RABIF: variants seen among roughly 807,000 people sequenced by gnomAD.
RABIF encodes guanine nucleotide exchange factor MSS4.
A neutral mutation model predicts 12.3 loss-of-function variants in RABIF; 13 were observed. That is an observed-to-expected ratio of 1.06 (90% CI 0.69 to 1.68). RABIF has a LOEUF of 1.68. RABIF is among the 40% of genes most tolerant of loss of function. The probability of loss-of-function intolerance (pLI) is 0.00; values close to 1 mark genes in which losing one functional copy is unlikely to be tolerated. For synonymous variants in RABIF, 70 were observed against 63.3 expected (o/e 1.11, Z -0.50); for missense variants, 153 against 158.0 (o/e 0.97, Z 0.17).
intron 1 of RABIF, 74 bp downstream of exon 1, chr1:202,888,899 G>C: frequency 2.1e-6 from 3 of 1,436,272 alleles, no homozygotes; most frequent in Non-Finnish European, 2.8e-6. Flanking sequence ...TGAAGAGCCG[G>C]GGTTCAGATT....
chr1:202,887,376 A>C lies in RABIF; in HGVS notation c.126+1597T>G, dbSNP rs969718142. On this transcript the variant is annotated intron_variant, in intron 1 of 1. Transcript: ENST00000367262. ...TTTGCAATTTTTTTTTAAGCTCATC[A>C]GCTATCATTAGTGTATTTTGTGTGG... Among the ~76,000 whole-genome samples the C allele has an allele frequency of 4.6e-5, 7 of 151,700 alleles. No individual in the cohort carries two copies. In the South Asian group the frequency reaches 1.5e-3, roughly 32 times the overall value.
rs893869791 is a variant in RABIF at position 202,879,467 on chromosome 1, A to G, written c.*1511T>C. 1.3e-5 allele frequency: 2 copies of G among 152,268 alleles called. No individual in the cohort carries two copies. The highest frequency in any genetic ancestry group is 4.8e-5 in the African/African-American group (2 of 41,484). The allele number at this position is 152,268 out of a possible 1,614,324, so 9.4% of individuals were successfully genotyped here. ...GTGATGTGAGGGGCCATGTGCCCCT[A>G]GAGGCATCTACTTGGGTTTTGCTCC... On this transcript the variant is annotated 3_prime_UTR_variant, in exon 2 of 2. Coordinates refer to ENST00000367262, the MANE Select transcript of RABIF (RefSeq NM_002871.5).
chr1:202,886,922 T>C (rs939486103), intron 1 of RABIF, among the ~76,000 whole-genome samples: 10 of 151,430 alleles, frequency 6.6e-5, no homozygotes, highest in Non-Finnish European at 1.0e-4. Flanking sequence ...TTAGTAGAGA[T>C]GGGATTTCAC....
At chr1:202,882,355 GC>G (rs1659503183) in intron 1 of RABIF, among the ~76,000 whole-genome samples, 1 of 152,144 alleles carries the variant, frequency 6.6e-6, no homozygotes, top group Admixed American at 6.5e-5. Context: ...CTGCTCTCCA[GC>G]CTGGGCGACA....
At chr1:202,883,534 A>G (rs955219418) in intron 1 of RABIF, among the ~76,000 whole-genome samples, 3 of 152,244 alleles carry the variant, frequency 2.0e-5, no homozygotes, top group Admixed American at 6.5e-5. Context: ...CCTATACTGT[A>G]GGTGTGAAAT....
rs1659444797 is a variant in RABIF, at chr1:202,878,675, CT to C, written c.*2302del. ...AGACAATTATGTGGAAACAATCAGGCTTTCACAAAATCAACTGCTCTCCCCA... is the reference window on the plus strand; with the variant it reads ...AGACAATTATGTGGAAACAATCAGGCTTCACAAAATCAACTGCTCTCCCCA... On this transcript the variant is annotated 3_prime_UTR_variant, in exon 2 of 2. Transcript: ENST00000367262. Among the ~76,000 whole-genome samples, 1 of 152,188 alleles carries C rather than the reference CT, an allele frequency of 6.6e-6. No individual in the cohort carries two copies. Among genetic ancestry groups the C allele is most frequent in the African/African-American group, 2.4e-5 (1 of 41,464 alleles).
chr1:202,887,453 C>CAAAAAAGA (rs1342783225), intron 1 of RABIF, among the ~76,000 whole-genome samples: 269 of 152,026 alleles, frequency 1.8e-3, no homozygotes, highest in African/African-American at 6.2e-3. Flanking sequence ...ACTGGACACC[C>CAAAAAAGA]CTGTTTTACA....
rs1659460687 is a variant in RABIF, at chr1:202,879,740, A to C, written c.*1238T>G. ...GAGGAAGCAACTAGAAAACAATGGA[A>C]GGGACTTCAGATGGTAAGGTTTCTG... On this transcript the variant is annotated 3_prime_UTR_variant, in exon 2 of 2. Transcript: ENST00000367262. 1 of 152,202 alleles carries C rather than the reference A, an allele frequency of 6.6e-6. No homozygotes were observed. Among genetic ancestry groups the C allele is most frequent in the Admixed American group, 6.5e-5 (1 of 15,280 alleles). The allele number at this position is 152,202 out of a possible 1,614,324, so 9.4% of individuals were successfully genotyped here. A position where few individuals can be genotyped will look rare whatever the true frequency, so the allele number is the denominator to read the frequency against.
Position 202,881,155 on chromosome 1 carries a change from G to T in RABIF, c.195C>A (p.Leu65=). 1 of 1,614,190 alleles carries T rather than the reference G, an allele frequency of 6.2e-7. No homozygotes were observed. Among genetic ancestry groups the T allele is most frequent in the Non-Finnish European group, 8.5e-7 (1 of 1,180,046 alleles). Residue 65 remains leucine, a synonymous_variant, in exon 2 of 2, where the codon CTC becomes CTA. Coordinates refer to ENST00000367262, the MANE Select transcript of RABIF (RefSeq NM_002871.5). ...SDGSNPDGDL[L]QEHWLVEDMF... ...TGTCCTCAACCAGCCAGTGTTCCTG[G>T]AGGAGATCGCCGTCAGGATTGCTGC... is the stretch of plus-strand genomic sequence containing the variant.
chr1:202,880,838 G>A lies in RABIF; in HGVS notation c.*140C>T, dbSNP rs1659477782. ...AGGAAGCAGGATTAACCCTCTGCAT[G>A]TTCAAATGGACATGCTGGTACTCAG... On this transcript the variant is annotated 3_prime_UTR_variant, in exon 2 of 2. Coordinates refer to ENST00000367262, the MANE Select transcript of RABIF (RefSeq NM_002871.5). 20 of 1,477,840 alleles carry A rather than the reference G, an allele frequency of 1.4e-5. No homozygotes were observed. The South Asian group carries it at 2.8e-4, about 21-fold the overall frequency. The allele number at this position is 1,477,840 out of a possible 1,614,324, so 91.5% of individuals were successfully genotyped here. A position where few individuals can be genotyped will look rare whatever the true frequency, so the allele number is the denominator to read the frequency against.
intron 1 of RABIF, among the ~76,000 whole-genome samples, chr1:202,882,002 T>C (rs1010046683): frequency 1.3e-5 from 2 of 152,238 alleles, no homozygotes; most frequent in African/African-American, 2.4e-5. Flanking sequence ...TGAGGTATAA[T>C]TGACATATGA....
intron 1 of RABIF, among the ~76,000 whole-genome samples, chr1:202,887,389 G>T (rs981472609): frequency 7.9e-5 from 12 of 150,998 alleles, no homozygotes; most frequent in Non-Finnish European, 1.5e-4. Flanking sequence ...TATCATTAGT[G>T]TATTTTGTGT....
intron 1 of RABIF, among the ~76,000 whole-genome samples, chr1:202,885,964 CAAA>C (rs34865622): frequency 3.8e-4 from 51 of 133,060 alleles, no homozygotes; most frequent in African/African-American, 8.7e-4. Flanking sequence ...AAACACAACC[CAAA>C]AAAAAAAAAA....
chr1:202,880,905 A>G lies in RABIF; in HGVS notation c.*73T>C. On this transcript the variant is annotated 3_prime_UTR_variant, in exon 2 of 2. Transcript: ENST00000367262. ...GACAAGAAGGCAGCGGAACAGTTAT[A>G]CCACATTAAAGGCCAGTTCTTGTGG... is the stretch of plus-strand genomic sequence containing the variant. 1 of 1,577,662 alleles carries G rather than the reference A, an allele frequency of 6.3e-7. No homozygotes were observed. Among genetic ancestry groups the G allele is most frequent in the South Asian group, 1.2e-5 (1 of 84,804 alleles).
At chr1:202,881,437 T>C (rs184080253) in intron 1 of RABIF, among the ~76,000 whole-genome samples, 144 of 152,108 alleles carry the variant, frequency 9.5e-4, no homozygotes, top group Non-Finnish European at 1.6e-3. Context: ...ATTCTCCCAC[T>C]GTCGCCTAGG....
intron 1 of RABIF, among the ~76,000 whole-genome samples, chr1:202,884,392 T>G (rs1291617822): frequency 6.6e-6 from 1 of 152,238 alleles, no homozygotes; most frequent in African/African-American, 2.4e-5. Flanking sequence ...AAAAATTCTC[T>G]GATAATCCTT....
rs1343581027 is a variant in RABIF at position 202,888,998 on chromosome 1, C to G, written c.101G>C (p.Gly34Ala). The G allele has an allele frequency of 1.9e-6, 3 of 1,588,452 alleles. No individual in the cohort carries two copies. Among genetic ancestry groups the G allele is most frequent in the Non-Finnish European group, 2.6e-6 (3 of 1,168,088 alleles). Residue 34 changes from glycine to alanine, a missense_variant, in exon 1 of 2, where the codon GGG becomes GCG. Around this residue, in one of 2 missense-constraint regions of RABIF, gnomAD observed 113 missense variants for 90.9 expected, o/e 1.24. Transcript: ENST00000367262. ...QRCGSRVLQP[G>A]TALFSRRQLF... ...CTGTCGGCGAGAGAAGAGAGCGGTC[C>G]CTGGCTGCAGCACCCGGGAGCCGCA...
chr1:202,888,298 G>C (rs938500255), intron 1 of RABIF, among the ~76,000 whole-genome samples: 2 of 150,896 alleles, frequency 1.3e-5, no homozygotes, highest in Non-Finnish European at 3.0e-5. Context: ...AAACTGAAGG[G>C]AAAAAAAAAG....
At position 202,883,388 on chromosome 1, in the gene RABIF, C is replaced by T. The variant is rs143498644; in HGVS notation, c.127-2165G>A. Among the ~76,000 whole-genome samples the T allele has an allele frequency of 4.1e-3, 618 of 152,222 alleles. 3 individuals are homozygous for T. The highest frequency in any genetic ancestry group is 0.014 in the African/African-American group (594 of 41,528). Reference sequence around the variant, plus strand: ...AAGGTGTCCTTAACACTTTGTTCTACCTTAAACAAAAACAGCAACAAGTAG... The same window carrying T: ...AAGGTGTCCTTAACACTTTGTTCTATCTTAAACAAAAACAGCAACAAGTAG... On this transcript the variant is annotated intron_variant, in intron 1 of 1. Transcript: ENST00000367262.
Sources: allele counts gnomAD v4.1 joint callset (sites outside exome capture counted in the v4.1 genomes callset), GRCh38; gene constraint gnomAD v4.1.1; regional missense constraint gnomAD v4.1.1; transcripts MANE v1.5; gene names NCBI Gene and HGNC (gene_info 2026-07-23, HGNC 2026-07-21).